The following ABCA12 variants were observed in gnomAD, a reference collection of about 807,000 sequenced individuals.
The protein encoded by ABCA12 is glucosylceramide transporter ABCA12.
In ABCA12, 156 loss-of-function variants were observed where a neutral mutation model predicts 293.5. That is an observed-to-expected ratio of 0.53 (90% CI 0.47 to 0.61). The LOEUF (loss-of-function observed/expected upper bound fraction) is 0.61, where lower values mean the gene tolerates loss of function less well. ABCA12 is among the 20% of genes least tolerant of loss of function. The pLI is 0.00. For missense variants in ABCA12, 2,797 were observed against 3,090.2 expected (o/e 0.91, Z 2.25); for synonymous variants, 1,063 against 1,108.0 (o/e 0.96, Z 0.81).
In ABCA12 at chr2:214,980,546, C is replaced by A. The variant is rs775655198; in HGVS notation, c.4677G>T (p.Gly1559=). The A allele has an allele frequency of 6.2e-7, 1 of 1,614,000 alleles. No homozygotes were observed. The highest frequency in any genetic ancestry group is 1.1e-5 in the South Asian group (1 of 91,070). The change falls in exon 31 of 53, where the codon GGG becomes GGT. Residue 1559 remains glycine (G), a synonymous_variant. Transcript: ENST00000272895. ...AGGCTTCCTTGAGGTAAAATGGGGA[C>A]CCACAGCACCTAAGCCCACCCTGCT... ...FLEQGGLRCC[G]SPFYLKEAFG...
chr2:215,043,917 A>T (rs1298327393), intron 7 of ABCA12, among the ~76,000 whole-genome samples: 1 of 152,110 alleles, frequency 6.6e-6, no homozygotes, highest in Non-Finnish European at 1.5e-5. Flanking sequence ...AACGCTATCT[A>T]CATACACAGT....
At chr2:215,033,878 T>C (rs1017083053) in intron 8 of ABCA12, among the ~76,000 whole-genome samples, 3 of 151,720 alleles carry the variant, frequency 2.0e-5, no homozygotes, top group African/African-American at 7.3e-5. Flanking sequence ...GAGGTGGAGC[T>C]TGCAGTGAGC....
At chr2:215,022,643 C>T (rs1445702956) in intron 11 of ABCA12, 1 of 152,132 alleles carries the variant, frequency 6.6e-6, no homozygotes, top group Non-Finnish European at 1.5e-5. Context: ...TAAAATAGAA[C>T]AACGGATGAC....
intron 3 of ABCA12, among the ~76,000 whole-genome samples, chr2:215,059,239 A>G (rs77239097): frequency 0.035 from 5,320 of 152,166 alleles, 299 homozygotes; most frequent in African/African-American, 0.12. Context: ...CCACTTCCAG[A>G]TGACATTTGT....
chr2:214,982,089 G>T, intron 30 of ABCA12, 98 bp downstream of exon 30: 1 of 1,273,766 alleles, frequency 7.9e-7, no homozygotes, highest in Non-Finnish European at 1.1e-6. Flanking sequence ...TGGGATTATA[G>T]GCGTGAGCCA....
intron 2 of ABCA12, among the ~76,000 whole-genome samples, chr2:215,087,031 C>T (rs947978792): frequency 2.6e-5 from 4 of 152,044 alleles, no homozygotes; most frequent in African/African-American, 9.7e-5. Context: ...CAACCCCCGC[C>T]TCCCAGATTC....
chr2:214,989,359 T>G lies in ABCA12; in HGVS notation c.3799A>C (p.Ile1267Leu). The change falls in exon 26 of 53, where the codon ATT becomes CTT. Residue 1267 changes from isoleucine (I) to leucine (L), a missense_variant. Ile to Leu is a conservative substitution (Grantham distance 5). Around this residue, in one of 3 missense-constraint regions of ABCA12, gnomAD observed 2,130 missense variants for 2,427.0 expected, o/e 0.88. Coordinates refer to ENST00000272895, the MANE Select transcript of ABCA12 (RefSeq NM_173076.3). ...AAGACATTCCTGACATACCAAGCAA[T>G]AAGGAAATAAATGAAAGAGTCAGCT... ...ILADSFIYFLIAWYVRNVFPG... is the reference protein window; with the variant it reads ...ILADSFIYFLLAWYVRNVFPG... 2 of 1,612,746 alleles carry G rather than the reference T, an allele frequency of 1.2e-6. No homozygotes were observed. The highest frequency in any genetic ancestry group is 2.2e-5 in the South Asian group (2 of 91,014).
chr2:215,008,639 T>C (rs13035982), intron 18 of ABCA12, among the ~76,000 whole-genome samples: 19,289 of 152,134 alleles, frequency 0.13, 1,485 homozygotes, highest in Admixed American at 0.22. Context: ...TGCTTATGAA[T>C]ATATGTGGTA....
intron 1 of ABCA12, among the ~76,000 whole-genome samples, chr2:215,118,616 T>C (rs1702736827): frequency 6.6e-6 from 1 of 152,182 alleles, no homozygotes; most frequent in South Asian, 2.1e-4. Context: ...AATCATTTAT[T>C]TAAGATTTAT....
intron 5 of ABCA12, 138 bp from the exon 6 acceptor site, chr2:215,049,949 A>C (rs1374340102): frequency 1.6e-5 from 12 of 742,366 alleles, no homozygotes; most frequent in Middle Eastern, 3.8e-4. Context: ...TTAAAATAAC[A>C]ATAAAGTAGA....
Position 215,131,706 on chromosome 2 carries a change from T to C in ABCA12, c.69+6434A>G, listed in dbSNP as rs1353016065. On this transcript the variant is annotated intron_variant, in intron 1 of 52. Transcript: ENST00000272895. ...CATTCATTGATCCTTTCTATTGTTTTTTTTTTTTTTTTTTTTGGCCTGAAT... is the reference window on the plus strand; with the variant it reads ...CATTCATTGATCCTTTCTATTGTTTCTTTTTTTTTTTTTTTTGGCCTGAAT... Among the ~76,000 whole-genome samples, 481 of 127,504 alleles carry C rather than the reference T, an allele frequency of 3.8e-3. 2 individuals are homozygous for C. Among genetic ancestry groups the C allele is most frequent in the African/African-American group, 0.013 (416 of 31,292 alleles). 83.6% of individuals were successfully genotyped at this position (127,504 alleles called of 152,430 possible).
Position 214,975,948 on chromosome 2 carries a change from T to C in ABCA12, c.5218A>G (p.Thr1740Ala). ...ATGAGACCTTTCCAGTTCCTGCGGG[T>C]GTGGTGGAACCTCTTGATGAGTATA... Reference protein sequence around the residue: ...MAILIKRFHHTRRNWKGLIAQ... With the variant: ...MAILIKRFHHARRNWKGLIAQ... Residue 1740 changes from threonine (T) to alanine (A), a missense_variant, in exon 34 of 53, where the codon ACC becomes GCC. This residue lies in a region of ABCA12 where 2,130 missense variants were observed against 2,427.0 expected (regional missense o/e 0.88). Transcript: ENST00000272895. 1 of 1,614,074 alleles carries C rather than the reference T, an allele frequency of 6.2e-7. No homozygotes were observed. The highest frequency in any genetic ancestry group is 8.5e-7 in the Non-Finnish European group (1 of 1,179,960).
chr2:214,958,136 G>A (rs1699007922), intron 41 of ABCA12, 141 bp downstream of exon 41: 4 of 1,144,352 alleles, frequency 3.5e-6, no homozygotes, highest in Non-Finnish European at 5.1e-6. Context: ...AGATAAGCCT[G>A]ACTCAAGTCA....
intron 39 of ABCA12, among the ~76,000 whole-genome samples, chr2:214,959,881 G>A (rs4673923): frequency 0.54 from 82,557 of 151,936 alleles, 23,390 homozygotes; most frequent in African/African-American, 0.71. Flanking sequence ...AACAATGTGA[G>A]GGTAAAGTGT....
intron 2 of ABCA12, chr2:215,085,594 C>T (rs1702024427): frequency 6.6e-6 from 1 of 152,238 alleles, no homozygotes; most frequent in South Asian, 2.1e-4. Context: ...CAAGACCTGG[C>T]CTAAAGTAAT....
intron 1 of ABCA12, among the ~76,000 whole-genome samples, chr2:215,119,480 T>C (rs757253880): frequency 3.3e-5 from 5 of 152,152 alleles, no homozygotes; most frequent in African/African-American, 4.8e-5. Context: ...TTAATTTTTA[T>C]ATATGGGGAA....
intron 7 of ABCA12, among the ~76,000 whole-genome samples, chr2:215,043,249 A>G (rs1187634654): frequency 3.3e-5 from 5 of 152,192 alleles, no homozygotes; most frequent in Non-Finnish European, 5.9e-5. Context: ...TCTTTTGTCC[A>G]TTTTAAATTG....
chr2:215,065,778 A>G (rs1447142786), intron 2 of ABCA12, among the ~76,000 whole-genome samples: 1 of 152,106 alleles, frequency 6.6e-6, no homozygotes, highest in Non-Finnish European at 1.5e-5. Context: ...GAACTGTAAA[A>G]TAATAAGTTT....
Position 214,968,705 on chromosome 2 carries a change from A to C in ABCA12, c.5778+15T>G, listed in dbSNP as rs1350496451. On this transcript the variant is annotated intron_variant, in intron 38 of 52. Coordinates refer to ENST00000272895, the MANE Select transcript of ABCA12 (RefSeq NM_173076.3). ...CTCATTTGTATAACATTCCAGAAAAAAGATCAAAATTTACCTTGGCAAGTG... is the reference window on the plus strand; with the variant it reads ...CTCATTTGTATAACATTCCAGAAAACAGATCAAAATTTACCTTGGCAAGTG... 1.9e-6 allele frequency: 3 copies of C among 1,611,268 alleles called. No homozygotes were observed. The highest frequency in any genetic ancestry group is 1.1e-5 in the South Asian group (1 of 91,044).
Sources: allele counts gnomAD v4.1 joint callset (sites outside exome capture counted in the v4.1 genomes callset), GRCh38; gene constraint gnomAD v4.1.1; regional missense constraint gnomAD v4.1.1; transcripts MANE v1.5; gene names NCBI Gene and HGNC (gene_info 2026-07-23, HGNC 2026-07-21).